The following METTL14 variants were observed in gnomAD, a reference collection of about 807,000 sequenced individuals.
METTL14 encodes N(6)-adenosine-methyltransferase non-catalytic subunit METTL14.
Under a neutral mutation model 62.4 loss-of-function variants are expected in METTL14, and 32 were observed. The ratio of observed to expected loss-of-function variants is 0.51; its 90% CI spans 0.39 to 0.69. The LOEUF is 0.69. Ranked by LOEUF, METTL14 falls within the 30% of genes least tolerant of loss-of-function variation. METTL14 has a pLI of 0.00. For missense variants in METTL14, 340 were observed against 551.9 expected (o/e 0.62, Z 3.85); for synonymous variants, 150 against 180.0 (o/e 0.83, Z 1.34).
intron 7 of METTL14, among the ~76,000 whole-genome samples, chr4:118,700,195 A>G (rs373885339): frequency 6.6e-6 from 1 of 152,160 alleles, no homozygotes; most frequent in Non-Finnish European, 1.5e-5. Context: ...GGGCTTAGTT[A>G]AGTGCTTCAT....
rs1438567228 is a variant in METTL14 at position 118,712,818 on chromosome 4, C to T, written c.*2516C>T. On this transcript the variant is annotated 3_prime_UTR_variant, in exon 11 of 11. Transcript: ENST00000388822. ...ATTTATTTCCAGTGAGAACCATTTT[C>T]CCACTGACCTTCCTCCTTTCAGAGG... 2.0e-5 allele frequency: 3 copies of T among 152,106 alleles called. No homozygotes were observed. Among genetic ancestry groups the T allele is most frequent in the Non-Finnish European group, 4.4e-5 (3 of 68,010 alleles). The allele number at this position is 152,106 out of a possible 1,614,324, so 9.4% of individuals were successfully genotyped here. A position where few individuals can be genotyped will look rare whatever the true frequency, so the allele number is the denominator to read the frequency against.
chr4:118,691,489 AC>A, intron 3 of METTL14, 42 bp from the exon 4 acceptor site: 2 of 1,031,284 alleles, frequency 1.9e-6, no homozygotes, highest in South Asian at 3.0e-5. Context: ...TAGAGAAATA[AC>A]CCCTATTTGT....
At chr4:118,697,011 A>G (rs537497312) in intron 6 of METTL14, among the ~76,000 whole-genome samples, 171 bp from the exon 7 acceptor site, 21 of 152,318 alleles carry the variant, frequency 1.4e-4, no homozygotes, top group Middle Eastern at 3.4e-3. Context: ...AAAAGACTCA[A>G]TAAAAAGGCC....
chr4:118,702,481 T>C (rs1724624266), intron 8 of METTL14, among the ~76,000 whole-genome samples: 1 of 152,068 alleles, frequency 6.6e-6, no homozygotes, highest in Admixed American at 6.5e-5. Flanking sequence ...TTGGAGATTT[T>C]AAAATAAAAT....
chr4:118,700,532 C>G lies in METTL14; in HGVS notation c.646-18C>G, dbSNP rs368250895. 1.9e-6 allele frequency: 3 copies of G among 1,582,246 alleles called. No individual in the cohort carries two copies. Among genetic ancestry groups the G allele is most frequent in the Admixed American group, 3.4e-5 (2 of 58,776 alleles). On this transcript the variant is annotated intron_variant, in intron 7 of 10. Coordinates refer to ENST00000388822, the MANE Select transcript of METTL14 (RefSeq NM_020961.4). ...GAAACAAAATACTTTTATGCAATAT[C>G]GTTTTGATTTCTTACAGATTATGAA...
chr4:118,685,413 A>G lies in METTL14; in HGVS notation c.-122A>G, dbSNP rs995711337. Reference sequence around the variant, plus strand: ...CCGGAAGTCTCTACTGAGGAAAGCTATGAGGATACTCTGTTCGTAAGCTCC... The same window carrying G: ...CCGGAAGTCTCTACTGAGGAAAGCTGTGAGGATACTCTGTTCGTAAGCTCC... On this transcript the variant is annotated 5_prime_UTR_variant, in exon 1 of 11. It removes an upstream start codon present in the reference 5' UTR. Coordinates refer to ENST00000388822, the MANE Select transcript of METTL14 (RefSeq NM_020961.4). 4.8e-5 allele frequency: 47 copies of G among 984,292 alleles called. 1 individual carries two copies. Among genetic ancestry groups the G allele is most frequent in the Middle Eastern group, 4.2e-4 (2 of 4,798 alleles). 61.0% of individuals were successfully genotyped at this position (984,292 alleles called of 1,614,324 possible).
In METTL14 at chr4:118,699,872, A is replaced by G. The variant is rs925865399; in HGVS notation, c.646-678A>G. ...ATACCGTCCTGAAGGAAGTGCCAGT[A>G]GTTAATGTAATAAACAAAATGTAAA... On this transcript the variant is annotated intron_variant, in intron 7 of 10. Transcript: ENST00000388822. Among the ~76,000 whole-genome samples, 13 of 152,314 alleles carry G rather than the reference A, an allele frequency of 8.5e-5. No homozygotes were observed. In the East Asian group the frequency reaches 2.1e-3, roughly 25 times the overall value.
Position 118,689,430 on chromosome 4 carries a change from A to C in METTL14, c.216A>C (p.Thr72=). Residue 72 remains threonine (T), a synonymous_variant, in exon 3 of 11, where the codon ACA becomes ACC. Coordinates refer to ENST00000388822, the MANE Select transcript of METTL14 (RefSeq NM_020961.4). Reference sequence around the variant, plus strand: ...GTAAGTATCTGGATGAAGGAGAGACAGATGAAGACAAAATGGAAGAATATA... The same window carrying C: ...GTAAGTATCTGGATGAAGGAGAGACCGATGAAGACAAAATGGAAGAATATA... ...AKRKYLDEGE[T]DEDKMEEYKD... is the part of the protein sequence containing the mutation. 1 of 1,602,612 alleles carries C rather than the reference A, an allele frequency of 6.2e-7. No individual in the cohort carries two copies. The highest frequency in any genetic ancestry group is 8.5e-7 in the Non-Finnish European group (1 of 1,172,936).
intron 10 of METTL14, among the ~76,000 whole-genome samples, 182 bp from the exon 11 acceptor site, chr4:118,709,816 A>G (rs1344906001): frequency 6.6e-6 from 1 of 152,206 alleles, no homozygotes; most frequent in African/African-American, 2.4e-5. Context: ...GAGAAACAAG[A>G]TATATACCTG....
intron 4 of METTL14, 35 bp downstream of exon 4, chr4:118,691,647 C>A: frequency 1.8e-6 from 2 of 1,088,724 alleles, no homozygotes; most frequent in Non-Finnish European, 2.6e-6. Flanking sequence ...TGTAACTCTT[C>A]ATATTTAAGT....
intron 8 of METTL14, among the ~76,000 whole-genome samples, chr4:118,703,168 C>T (rs1724654420): frequency 6.6e-6 from 1 of 151,964 alleles, no homozygotes; most frequent in Admixed American, 6.6e-5. Flanking sequence ...ACCAGCAATA[C>T]TGTACTTATT....
intron 3 of METTL14, among the ~76,000 whole-genome samples, chr4:118,690,376 A>T (rs1046883679): frequency 1.3e-5 from 2 of 151,988 alleles, no homozygotes; most frequent in African/African-American, 4.8e-5. Flanking sequence ...GACTGAGGAT[A>T]TAAGTGTATC....
chr4:118,692,430 T>A lies in METTL14; in HGVS notation c.412+362T>A, dbSNP rs144205906. On this transcript the variant is annotated intron_variant, in intron 5 of 10. Coordinates refer to ENST00000388822, the MANE Select transcript of METTL14 (RefSeq NM_020961.4). ...TTTTAGTAGAGACGAGGTTTCACCA[T>A]GTTGGCCAGGCTGGTCTGGAACTCC... Among the ~76,000 whole-genome samples the A allele has an allele frequency of 3.5e-4, 53 of 151,948 alleles. 1 individual carries two copies. The East Asian group carries it at 9.3e-3, about 27-fold the overall frequency.
intron 10 of METTL14, among the ~76,000 whole-genome samples, chr4:118,706,074 C>A (rs755455835): frequency 3.3e-5 from 5 of 152,182 alleles, no homozygotes; most frequent in African/African-American, 1.2e-4. Flanking sequence ...ACATTTGTTA[C>A]AAATGATGAA....
Position 118,688,008 on chromosome 4 carries a change from G to A in METTL14, c.152G>A (p.Cys51Tyr), listed in dbSNP as rs758947457. The change falls in exon 2 of 11, where the codon TGC becomes TAC. Residue 51 changes from cysteine to tyrosine, a missense_variant. Cys to Tyr is a radical substitution (Grantham distance 194). Transcript: ENST00000388822. Reference protein sequence around the residue: ...QREIAETRETCRASYDTSAPN... With the variant: ...QREIAETRETYRASYDTSAPN... ...GAAATTGCTGAAACAAGAGAAACTT[G>A]CAGGTCAGTCAGATAATTCTTTTTT... is the stretch of plus-strand genomic sequence containing the variant. The A allele has an allele frequency of 2.7e-5, 43 of 1,599,854 alleles. No individual in the cohort carries two copies. Among genetic ancestry groups the A allele is most frequent in the Non-Finnish European group, 3.4e-5 (40 of 1,168,614 alleles).
At chr4:118,687,749 G>A (rs1020414057) in intron 1 of METTL14, among the ~76,000 whole-genome samples, 174 bp from the exon 2 acceptor site, 4 of 152,048 alleles carry the variant, frequency 2.6e-5, no homozygotes, top group Admixed American at 1.3e-4. Flanking sequence ...TTTTTCCAGA[G>A]TTTTTCCAGT....
intron 10 of METTL14, 51 bp from the exon 11 acceptor site, chr4:118,709,947 A>G (rs780183237): frequency 3.8e-5 from 57 of 1,512,584 alleles, no homozygotes; most frequent in Non-Finnish European, 4.6e-5. Context: ...TAAAGAATTA[A>G]TAAGAGAGAA....
chr4:118,701,419 C>T (rs1724586335), intron 8 of METTL14, among the ~76,000 whole-genome samples: 1 of 151,642 alleles, frequency 6.6e-6, no homozygotes, highest in African/African-American at 2.4e-5. Context: ...CTCCTGGGCT[C>T]AAGGGATCCT....
chr4:118,699,704 C>T lies in METTL14; in HGVS notation c.646-846C>T, dbSNP rs544512045. The stretch of plus-strand genomic sequence containing the variant: ...AAGAACTTCAATTATATGTGATAAA[C>T]TAATACAGTTTTTAAAATAAAGAAA... On this transcript the variant is annotated intron_variant, in intron 7 of 10. Coordinates refer to ENST00000388822, the MANE Select transcript of METTL14 (RefSeq NM_020961.4). 3.3e-5 allele frequency among the ~76,000 whole-genome samples: 5 copies of T among 152,256 alleles called. No homozygotes were observed. The South Asian group carries it at 1.0e-3, about 32-fold the overall frequency.
Sources: gnomAD v4.1 joint callset for allele counts (sites outside exome capture counted in the v4.1 genomes callset) on GRCh38, gnomAD v4.1.1 for gene constraint, MANE v1.5 for transcripts, NCBI Gene and HGNC (gene_info 2026-07-23, HGNC 2026-07-21) for gene names.